The following MAP3K5 variants were observed in gnomAD, a reference collection of about 807,000 sequenced individuals.
MAP3K5 encodes ASK-1.
In MAP3K5, 56 loss-of-function variants were observed where a neutral mutation model predicts 158.7. The ratio of observed to expected loss-of-function variants is 0.35; its 90% CI spans 0.28 to 0.44. The LOEUF is 0.44. Ranked by LOEUF, MAP3K5 falls within the 20% of genes least tolerant of loss-of-function variation. The pLI is 1.00. For missense variants in MAP3K5, 1,294 were observed against 1,674.8 expected (o/e 0.77, Z 3.97); for synonymous variants, 579 against 601.7 (o/e 0.96, Z 0.55).
Position 136,664,906 on chromosome 6 carries a change from T to G in MAP3K5, c.1366+4377A>C, listed in dbSNP as rs111787398. 1.4e-3 allele frequency among the ~76,000 whole-genome samples: 217 copies of G among 152,284 alleles called. 1 individual carries two copies. The highest frequency in any genetic ancestry group is 2.3e-3 in the Non-Finnish European group (157 of 68,016). On this transcript the variant is annotated intron_variant, in intron 8 of 29. Coordinates refer to ENST00000359015, the MANE Select transcript of MAP3K5 (RefSeq NM_005923.4). ...AGATCGCACCACTGCACTCCAGACC[T>G]GGGTGACAAGAGTGAGACTCTATCT...
At chr6:136,703,318 C>T (rs553025196) in intron 3 of MAP3K5, among the ~76,000 whole-genome samples, 79 of 152,338 alleles carry the variant, frequency 5.2e-4, no homozygotes, top group African/African-American at 1.4e-3. Context: ...GGATGGACTT[C>T]TTTCTGCCAT....
Position 136,602,015 on chromosome 6 carries a change from T to C in MAP3K5, c.2680-36A>G, listed in dbSNP as rs200373216. ...AATATAAAAAGTGCAATGTGCCTTC[T>C]GAGTGAACATCTCAGCACCTGAACT... On this transcript the variant is annotated intron_variant, in intron 19 of 29. Transcript: ENST00000359015. 3.3e-3 allele frequency: 5,209 copies of C among 1,567,936 alleles called. 10 individuals are homozygous for C. The highest frequency in any genetic ancestry group is 4.0e-3 in the Non-Finnish European group (4,625 of 1,142,694).
At chr6:136,594,048 T>C (rs1194941062) in intron 21 of MAP3K5, among the ~76,000 whole-genome samples, 1 of 152,220 alleles carries the variant, frequency 6.6e-6, no homozygotes, top group African/African-American at 2.4e-5. Flanking sequence ...GGTTGACTTA[T>C]CTGCTGTTAT....
chr6:136,716,700 T>C (rs900632598), intron 2 of MAP3K5, among the ~76,000 whole-genome samples: 5 of 152,210 alleles, frequency 3.3e-5, no homozygotes, highest in Non-Finnish European at 7.3e-5. Flanking sequence ...TCATAATGCA[T>C]GAAATAAATC....
chr6:136,776,145 T>A (rs1784395507), intron 1 of MAP3K5, among the ~76,000 whole-genome samples: 1 of 152,258 alleles, frequency 6.6e-6, no homozygotes, highest in African/African-American at 2.4e-5. Flanking sequence ...AGGAGATACA[T>A]CAATATCTTA....
intron 1 of MAP3K5, among the ~76,000 whole-genome samples, chr6:136,741,263 T>G (rs1260921219): frequency 6.6e-6 from 1 of 152,198 alleles, no homozygotes; most frequent in African/African-American, 2.4e-5. Flanking sequence ...ACTAACCATT[T>G]TGGTATTTCA....
intron 27 of MAP3K5, 104 bp downstream of exon 27, chr6:136,562,399 T>G: frequency 1.8e-6 from 1 of 544,022 alleles, no homozygotes; most frequent in Non-Finnish European, 3.3e-6. Flanking sequence ...ATGGTAGAAG[T>G]GAGAAATGCT....
chr6:136,614,958 A>T (rs75458074), intron 15 of MAP3K5, among the ~76,000 whole-genome samples: 1,887 of 152,290 alleles, frequency 0.012, 41 homozygotes, highest in African/African-American at 0.044. Context: ...ATCCTCATGA[A>T]GCCTCCACAT....
chr6:136,578,149 A>G (rs1338192803), intron 25 of MAP3K5, among the ~76,000 whole-genome samples: 1 of 152,192 alleles, frequency 6.6e-6, no homozygotes, highest in African/African-American at 2.4e-5. Context: ...TCTATAGCAC[A>G]TTCCCTACAA....
intron 1 of MAP3K5, among the ~76,000 whole-genome samples, chr6:136,746,097 T>G (rs1329133481): frequency 1.3e-5 from 2 of 152,188 alleles, no homozygotes; most frequent in Non-Finnish European, 2.9e-5. Flanking sequence ...GTGGCAGTTT[T>G]GGAAGAGTGT....
chr6:136,669,143 G>GATATAATAAGTTTT, intron 8 of MAP3K5, 140 bp downstream of exon 8: 1 of 668,626 alleles, frequency 1.5e-6, no homozygotes, highest in East Asian at 2.7e-5. Flanking sequence ...CAAACAAGGA[G>GATATAATAAGTTTT]ATATAATAAG....
intron 11 of MAP3K5, among the ~76,000 whole-genome samples, chr6:136,646,540 C>A (rs1286643902): frequency 6.6e-6 from 1 of 152,190 alleles, no homozygotes; most frequent in Non-Finnish European, 1.5e-5. Context: ...TCTTCTGGCT[C>A]TCTACTCATT....
intron 14 of MAP3K5, among the ~76,000 whole-genome samples, chr6:136,634,385 C>CA (rs1375588865): frequency 1.3e-5 from 2 of 151,946 alleles, no homozygotes; most frequent in Non-Finnish European, 2.9e-5. Flanking sequence ...AGAACACCCA[C>CA]AAAAAACATC....
chr6:136,763,320 T>C (rs184243007), intron 1 of MAP3K5, among the ~76,000 whole-genome samples: 1 of 152,348 alleles, frequency 6.6e-6, no homozygotes, highest in East Asian at 1.9e-4. Context: ...ACAAGATTGT[T>C]CATTGCCTTC....
intron 26 of MAP3K5, among the ~76,000 whole-genome samples, chr6:136,563,098 G>A (rs577944441): frequency 2.0e-5 from 3 of 152,008 alleles, no homozygotes; most frequent in Non-Finnish European, 4.4e-5. Context: ...TTTATAATGA[G>A]CTCCCAGATG....
At chr6:136,660,932 G>T (rs1046479426) in intron 8 of MAP3K5, among the ~76,000 whole-genome samples, 1 of 151,090 alleles carries the variant, frequency 6.6e-6, no homozygotes, top group Non-Finnish European at 1.5e-5. Flanking sequence ...TTTATGGCCT[G>T]TGGACACAAA....
chr6:136,612,887 G>T (rs1047752850), intron 17 of MAP3K5, among the ~76,000 whole-genome samples: 3 of 152,212 alleles, frequency 2.0e-5, no homozygotes, highest in African/African-American at 4.8e-5. Flanking sequence ...TGTGGTGGGA[G>T]CACAATCTTG....
At chr6:136,667,998 A>G (rs1779303118) in intron 8 of MAP3K5, among the ~76,000 whole-genome samples, 1 of 152,212 alleles carries the variant, frequency 6.6e-6, no homozygotes, top group Non-Finnish European at 1.5e-5. Context: ...GAGATTCTCC[A>G]GAACATTACA....
At chr6:136,782,174 G>T (rs1323749857) in intron 1 of MAP3K5, among the ~76,000 whole-genome samples, 2 of 151,934 alleles carry the variant, frequency 1.3e-5, no homozygotes, top group East Asian at 1.9e-4. Flanking sequence ...CAACACTTTG[G>T]GAGGCTAAGG....
Sources: gnomAD v4.1 joint callset for allele counts (sites outside exome capture counted in the v4.1 genomes callset) on GRCh38, gnomAD v4.1.1 for gene constraint, MANE v1.5 for transcripts, NCBI Gene and HGNC (gene_info 2026-07-23, HGNC 2026-07-21) for gene names.